SNX25: variants seen among roughly 807,000 people sequenced by gnomAD.
SNX25 encodes the protein sorting nexin-25.
SNX25 carries 62 observed loss-of-function variants against 113.7 expected under a neutral mutation model. The ratio of observed to expected loss-of-function variants is 0.55; its 90% CI spans 0.44 to 0.67. The LOEUF is 0.67. Ranked by LOEUF, SNX25 falls within the 30% of genes least tolerant of loss-of-function variation. The pLI, the probability that SNX25 is intolerant of heterozygous loss-of-function variation, is 0.00. For synonymous variants in SNX25, 421 were observed against 436.2 expected, an observed-to-expected ratio of 0.97 and a Z score of 0.43; for missense variants, 1,014 against 1,161.0, an observed-to-expected ratio of 0.87 and a Z score of 1.84.
chr4:185,254,661 T>C (rs1399465275), intron 2 of SNX25, among the ~76,000 whole-genome samples: 1 of 152,264 alleles, frequency 6.6e-6, no homozygotes, highest in Admixed American at 6.5e-5. Context: ...TTCTCTACTT[T>C]GTTACCCTAA....
At chr4:185,234,832 A>G (rs920429356) in intron 1 of SNX25, among the ~76,000 whole-genome samples, 1 of 152,262 alleles carries the variant, frequency 6.6e-6, no homozygotes, top group African/African-American at 2.4e-5. Context: ...TAAATAGTGC[A>G]GACATTATTA....
intron 7 of SNX25, among the ~76,000 whole-genome samples, chr4:185,316,084 G>T (rs751250799): frequency 4.6e-5 from 7 of 152,130 alleles, no homozygotes; most frequent in Admixed American, 1.3e-4. Context: ...AGTTTTTTAT[G>T]TCCTTTGTAA....
At chr4:185,261,110 GTC>G (rs1209252584) in intron 3 of SNX25, among the ~76,000 whole-genome samples, 15 of 135,030 alleles carry the variant, frequency 1.1e-4, no homozygotes, top group East Asian at 2.1e-4. Flanking sequence ...CTGTCTGTCT[GTC>G]TCTGTGTGTG....
chr4:185,335,322 A>T lies in SNX25; in HGVS notation c.1914+2563A>T, dbSNP rs866766208. ...GCAATAGAGTGAAAAAGTCTCACAC[A>T]CACACACACACACACACACACACAC... On this transcript the variant is annotated intron_variant, in intron 10 of 18. Transcript: ENST00000652585. Among the ~76,000 whole-genome samples, 142 of 133,032 alleles carry T rather than the reference A, an allele frequency of 1.1e-3. 1 individual carries two copies. The highest frequency in any genetic ancestry group is 4.5e-3 in the African/African-American group (131 of 28,964). The allele number at this position is 133,032 out of a possible 152,430, so 87.3% of individuals were successfully genotyped here.
At chr4:185,285,184 G>A (rs747395279) in intron 5 of SNX25, among the ~76,000 whole-genome samples, 6 of 152,082 alleles carry the variant, frequency 3.9e-5, no homozygotes, top group Non-Finnish European at 8.8e-5. Context: ...AATCATAAAT[G>A]TATGTGCCAT....
intron 10 of SNX25, among the ~76,000 whole-genome samples, chr4:185,335,341 C>A (rs2095222668): frequency 6.6e-6 from 1 of 151,758 alleles, no homozygotes; most frequent in South Asian, 2.1e-4. Context: ...CACACACACA[C>A]ACACACACAC....
At chr4:185,254,682 C>A (rs1010943208) in intron 2 of SNX25, among the ~76,000 whole-genome samples, 1 of 152,182 alleles carries the variant, frequency 6.6e-6, no homozygotes, top group African/African-American at 2.4e-5. Context: ...ATCCTGTTTT[C>A]AGGTTAACCT....
chr4:185,207,511 C>T (rs1028854150), upstream of SNX25, among the ~76,000 whole-genome samples: 9 of 152,140 alleles, frequency 5.9e-5, no homozygotes, highest in Admixed American at 5.9e-4. Context: ...AGCCACCACG[C>T]CTGGCCAACT....
intron 5 of SNX25, among the ~76,000 whole-genome samples, chr4:185,285,849 T>C (rs934167829): frequency 6.6e-6 from 1 of 152,132 alleles, no homozygotes; most frequent in Admixed American, 6.5e-5. Context: ...CATAGCTCAC[T>C]GCAACCTCAA....
chr4:185,228,108 G>C (rs977917966), intron 1 of SNX25, among the ~76,000 whole-genome samples: 6 of 152,192 alleles, frequency 3.9e-5, no homozygotes, highest in Non-Finnish European at 8.8e-5. Flanking sequence ...AGTGTGGTTT[G>C]GGGGTGGGAC....
intron 4 of SNX25, among the ~76,000 whole-genome samples, chr4:185,265,367 C>A (rs1364688930): frequency 1.3e-5 from 2 of 152,166 alleles, no homozygotes; most frequent in African/African-American, 4.8e-5. Context: ...AACCTTATAC[C>A]ATATTACTGT....
chr4:185,224,555 A>T (rs185195790), intron 1 of SNX25, among the ~76,000 whole-genome samples: 1 of 112,578 alleles, frequency 8.9e-6, no homozygotes, highest in South Asian at 2.7e-4. Context: ...ATACATATAT[A>T]TAAATATATA....
At chr4:185,276,759 C>G (rs890047273) in intron 5 of SNX25, among the ~76,000 whole-genome samples, 1 of 152,200 alleles carries the variant, frequency 6.6e-6, no homozygotes, top group Admixed American at 6.5e-5. Context: ...CCTCCTTGAC[C>G]ATGCTTTCCC....
intron 6 of SNX25, 31 bp downstream of exon 6, chr4:185,288,113 C>T (rs764000873): frequency 6.3e-6 from 10 of 1,581,852 alleles, no homozygotes; most frequent in Non-Finnish European, 5.2e-6. Context: ...TTCAGTTCCA[C>T]ATCTGAAAGG....
intron 7 of SNX25, among the ~76,000 whole-genome samples, chr4:185,312,119 C>G (rs2095035847): frequency 6.6e-6 from 1 of 152,094 alleles, no homozygotes; most frequent in Non-Finnish European, 1.5e-5. Flanking sequence ...AATTTCTAGC[C>G]ACATTTATTG....
intron 3 of SNX25, 44 bp downstream of exon 3, chr4:185,259,108 T>G (rs1746870572): frequency 1.3e-6 from 2 of 1,551,870 alleles, no homozygotes; most frequent in East Asian, 4.5e-5. Context: ...CATTAATTTT[T>G]TTTAATTGAG....
chr4:185,377,837 A>G, the SNX25 span: 3 of 380,860 alleles, frequency 7.9e-6, no homozygotes, highest in Non-Finnish European at 1.4e-5. Flanking sequence ...TCTGTTTTCT[A>G]GAAGCATGTC....
chr4:185,339,592 T>A, intron 11 of SNX25, 82 bp downstream of exon 11: 1 of 1,507,770 alleles, frequency 6.6e-7, no homozygotes, highest in Non-Finnish European at 8.9e-7. Context: ...GAATGAAGAT[T>A]GAGGGTAGAA....
intron 2 of SNX25, among the ~76,000 whole-genome samples, chr4:185,255,650 A>G (rs1390202215): frequency 6.6e-6 from 1 of 152,096 alleles, no homozygotes; most frequent in Non-Finnish European, 1.5e-5. Flanking sequence ...CGAGGATGCT[A>G]TTTTAGGTTT....
Sources: allele counts gnomAD v4.1 joint callset (sites outside exome capture counted in the v4.1 genomes callset), GRCh38; gene constraint gnomAD v4.1.1; transcripts MANE v1.5; gene names NCBI Gene and HGNC (gene_info 2026-07-23, HGNC 2026-07-21).